PRM2: variants seen among roughly 807,000 people sequenced by gnomAD.
The protein encoded by PRM2 is protamine-2.
A neutral mutation model predicts 10.7 loss-of-function variants in PRM2; 6 were observed. The ratio of observed to expected loss-of-function variants is 0.56; its 90% confidence interval spans 0.31 to 1.11. PRM2 has a LOEUF of 1.11. Ranked by LOEUF, PRM2 falls within the 50% of genes least tolerant of loss-of-function variation. The pLI, the probability that PRM2 is intolerant of heterozygous loss-of-function variation, is 0.06. For missense variants in PRM2, 194 were observed against 147.7 expected (o/e 1.31, Z -1.62); for synonymous variants, 64 against 54.8 (o/e 1.17, Z -0.74).
In PRM2 at chr16:11,276,341, G is replaced by A. The variant is rs370727869; in HGVS notation, c.30C>T (p.Ser10=). The part of the protein sequence containing the change: MVRYRVRSL[S]ERSHEVYRQQ... ...GCCTGTACACCTCGTGCGAGCGTTC[G>A]CTCAGGCTCCTCACGCGGTATCGGA... is the stretch of plus-strand genomic sequence containing the variant. Residue 10 remains serine, a synonymous_variant, in exon 1 of 2, where the codon AGC becomes AGT. Transcript: ENST00000241808. 1.5e-5 allele frequency: 24 copies of A among 1,614,220 alleles called. No homozygotes were observed. The highest frequency in any genetic ancestry group is 6.7e-5 in the East Asian group (3 of 44,890).
Position 11,275,648 on chromosome 16 carries a change from A to G in PRM2, c.*252T>C. 8.3e-6 allele frequency: 7 copies of G among 846,672 alleles called. No homozygotes were observed. The highest frequency in any genetic ancestry group is 1.1e-5 in the Non-Finnish European group (6 of 552,912). 52.4% of individuals were successfully genotyped at this position (846,672 alleles called of 1,614,324 possible). The stretch of plus-strand genomic sequence containing the variant: ...CCGACAGGCCAGCGAGTGTCTTGTC[A>G]AGCTTTATTGGGCAGGTGACTTTTG... On this transcript the variant is annotated 3_prime_UTR_variant, in exon 2 of 2. Transcript: ENST00000241808.
chr16:11,276,013 C>T (rs771682610), intron 1 of PRM2, 76 bp from the exon 2 acceptor site: 5 of 1,610,062 alleles, frequency 3.1e-6, no homozygotes, highest in Middle Eastern at 3.3e-4. Context: ...GGGGCTGGAG[C>T]TTTTGTCAGG....
rs756477196 is a variant in PRM2, at chr16:11,276,157, G to T, written c.214C>A (p.Arg72Ser). ...RLHRIHRRQH[R>S]SCRRRKRRSC... ...CGTCTTTTGCGCCTTCTGCAGGAGCGATGCTGCCGCCTGTGGATCCGGTGC... is the reference window on the plus strand; with the variant it reads ...CGTCTTTTGCGCCTTCTGCAGGAGCTATGCTGCCGCCTGTGGATCCGGTGC... The change falls in exon 1 of 2, where the codon CGC becomes AGC. Residue 72 changes from arginine (R) to serine (S), a missense_variant. Physicochemically the swap from Arg to Ser is moderately radical, Grantham distance 110. Transcript: ENST00000241808. 1.9e-6 allele frequency: 3 copies of T among 1,613,812 alleles called. No individual in the cohort carries two copies. The highest frequency in any genetic ancestry group is 1.7e-6 in the Non-Finnish European group (2 of 1,180,034).
In PRM2 at chr16:11,276,332, C is replaced by T. The variant is rs201104307; in HGVS notation, c.39G>A (p.Ser13=). ...GCAACTGCTGCCTGTACACCTCGTG[C>T]GAGCGTTCGCTCAGGCTCCTCACGC... ...RYRVRSLSER[S]HEVYRQQLHG... is the part of the protein sequence containing the mutation. Residue 13 remains serine, a synonymous_variant, in exon 1 of 2, where the codon TCG becomes TCA. Coordinates refer to ENST00000241808, the MANE Select transcript of PRM2 (RefSeq NM_002762.4). 1.7e-4 allele frequency: 275 copies of T among 1,614,238 alleles called. No individual in the cohort carries two copies. The highest frequency in any genetic ancestry group is 2.1e-4 in the Non-Finnish European group (251 of 1,180,034).
rs2069872378 is a variant in PRM2 at position 11,276,316 on chromosome 16, G to A, written c.55C>T (p.Gln19Ter). ...CCTTGCTCTTGCCCATGCAACTGCT[G>A]CCTGTACACCTCGTGCGAGCGTTCG... ...LSERSHEVYR[Q>*]QLHGQEQGHH... is the part of the protein sequence containing the mutation. Residue 19 changes from glutamine (Q) to a stop codon, truncating the protein, a stop_gained, in exon 1 of 2, where the codon CAG becomes TAG. Coordinates refer to ENST00000241808, the MANE Select transcript of PRM2 (RefSeq NM_002762.4). LOFTEE classifies it high-confidence loss of function. The A allele has an allele frequency of 6.2e-7, 1 of 1,614,146 alleles. No individual in the cohort carries two copies. The highest frequency in any genetic ancestry group is 1.3e-5 in the African/African-American group (1 of 74,946).
Position 11,275,663 on chromosome 16 carries a change from G to C in PRM2, c.*237C>G. 3 of 938,818 alleles carry C rather than the reference G, an allele frequency of 3.2e-6. No individual in the cohort carries two copies. Among genetic ancestry groups the C allele is most frequent in the Non-Finnish European group, 3.2e-6 (2 of 630,322 alleles). The allele number at this position is 938,818 out of a possible 1,614,324, so 58.2% of individuals were successfully genotyped here. A position where few individuals can be genotyped will look rare whatever the true frequency, so the allele number is the denominator to read the frequency against. ...GTGTCTTGTCAAGCTTTATTGGGCA[G>C]GTGACTTTTGCTCGTTTCACTCAGA... On this transcript the variant is annotated 3_prime_UTR_variant, in exon 2 of 2. Coordinates refer to ENST00000241808, the MANE Select transcript of PRM2 (RefSeq NM_002762.4).
Position 11,275,842 on chromosome 16 carries a change from T to G in PRM2, c.*58A>C. The G allele has an allele frequency of 6.2e-7, 1 of 1,612,818 alleles. No homozygotes were observed. Among genetic ancestry groups the G allele is most frequent in the Non-Finnish European group, 8.5e-7 (1 of 1,179,766 alleles). On this transcript the variant is annotated 3_prime_UTR_variant, in exon 2 of 2. Transcript: ENST00000241808. ...TGTAGGGGAATTGCTATGGCCTCACTTGGTGTTTCGGGCGACTTTTTCTTA... is the reference window on the plus strand; with the variant it reads ...TGTAGGGGAATTGCTATGGCCTCACGTGGTGTTTCGGGCGACTTTTTCTTA...
rs780941362 is a variant in PRM2 at position 11,276,444 on chromosome 16, T to G, written c.-74A>C. 10 of 1,581,006 alleles carry G rather than the reference T, an allele frequency of 6.3e-6. No homozygotes were observed. Among genetic ancestry groups the G allele is most frequent in the Non-Finnish European group, 7.8e-6 (9 of 1,159,374 alleles). ...GGAGTAGGGGAGGAGGGCGGAGGCC[T>G]GCCCACCTGCCCTTGGTGTTACTGT... On this transcript the variant is annotated 5_prime_UTR_variant, in exon 1 of 2. Coordinates refer to ENST00000241808, the MANE Select transcript of PRM2 (RefSeq NM_002762.4).
At position 11,275,770 on chromosome 16, in the gene PRM2, G is replaced by A; in HGVS notation, c.*130C>T. 1.9e-6 allele frequency: 3 copies of A among 1,561,068 alleles called. No homozygotes were observed. In the South Asian group the frequency reaches 3.5e-5, roughly 18 times the overall value. ...CTATGGCCTCACTCGGTGTTTCTTGGGCAGGTGACTTTCTCTTAACTTCCA... is the reference window on the plus strand; with the variant it reads ...CTATGGCCTCACTCGGTGTTTCTTGAGCAGGTGACTTTCTCTTAACTTCCA... On this transcript the variant is annotated 3_prime_UTR_variant, in exon 2 of 2. Transcript: ENST00000241808.
At position 11,276,236 on chromosome 16, in the gene PRM2, C is replaced by T. The variant is rs373716428; in HGVS notation, c.135G>A (p.Glu45=). 125 of 1,614,260 alleles carry T rather than the reference C, an allele frequency of 7.7e-5. No homozygotes were observed. The African/African-American group carries it at 1.4e-3, about 18-fold the overall frequency. The change falls in exon 1 of 2, where the codon GAG becomes GAA. Residue 45 remains glutamate, a synonymous_variant. Transcript: ENST00000241808. ...GLSPEHVEVY[E]RTHGQSHYRR... Reference sequence around the variant, plus strand: ...TATAGTGAGACTGGCCATGGGTCCTCTCGTAGACCTCGACGTGCTCCGGGC... The same window carrying T: ...TATAGTGAGACTGGCCATGGGTCCTTTCGTAGACCTCGACGTGCTCCGGGC...
Position 11,276,384 on chromosome 16 carries a change from C to A in PRM2, c.-14G>T, listed in dbSNP as rs916611158. On this transcript the variant is annotated 5_prime_UTR_variant, in exon 1 of 2. Coordinates refer to ENST00000241808, the MANE Select transcript of PRM2 (RefSeq NM_002762.4). The stretch of plus-strand genomic sequence containing the variant: ...GTATCGGACCATGGTGTTGGGAGAT[C>A]TGGTGGCTCCTGGGCTGAGGCTGCA... 1.9e-6 allele frequency: 3 copies of A among 1,613,932 alleles called. No homozygotes were observed. Among genetic ancestry groups the A allele is most frequent in the Non-Finnish European group, 2.5e-6 (3 of 1,179,912 alleles).
chr16:11,276,434 G>T lies in PRM2; in HGVS notation c.-64C>A. ...AGTGGGCCCTGGAGTAGGGGAGGAG[G>T]GCGGAGGCCTGCCCACCTGCCCTTG... is the stretch of plus-strand genomic sequence containing the variant. On this transcript the variant is annotated 5_prime_UTR_variant, in exon 1 of 2. Coordinates refer to ENST00000241808, the MANE Select transcript of PRM2 (RefSeq NM_002762.4). 1 of 1,602,560 alleles carries T rather than the reference G, an allele frequency of 6.2e-7. No homozygotes were observed.
At position 11,276,186 on chromosome 16, in the gene PRM2, C is replaced by G. The variant is rs1254165618; in HGVS notation, c.185G>C (p.Arg62Thr). The change falls in exon 1 of 2, where the codon AGG (arginine) becomes ACG (threonine). Residue 62 changes from arginine to threonine, a missense_variant. Physicochemically the swap from Arg to Thr is moderately conservative, Grantham distance 71. Coordinates refer to ENST00000241808, the MANE Select transcript of PRM2 (RefSeq NM_002762.4). ...HYRRRHCSRR[R>T]LHRIHRRQHR... Reference sequence around the variant, plus strand: ...CTGCCGCCTGTGGATCCGGTGCAGCCTCCTTCGAGAGCAGTGTCTGCGCCT... The same window carrying G: ...CTGCCGCCTGTGGATCCGGTGCAGCGTCCTTCGAGAGCAGTGTCTGCGCCT... The G allele has an allele frequency of 1.9e-6, 3 of 1,614,024 alleles. No homozygotes were observed. In the East Asian group the frequency reaches 6.7e-5, roughly 36 times the overall value.
chr16:11,276,374 G>A lies in PRM2; in HGVS notation c.-4C>T, dbSNP rs551811300. 4 of 1,614,172 alleles carry A rather than the reference G, an allele frequency of 2.5e-6. No homozygotes were observed. Among genetic ancestry groups the A allele is most frequent in the Non-Finnish European group, 2.5e-6 (3 of 1,179,998 alleles). ...TCCTCACGCGGTATCGGACCATGGT[G>A]TTGGGAGATCTGGTGGCTCCTGGGC... On this transcript the variant is annotated 5_prime_UTR_variant, in exon 1 of 2. Coordinates refer to ENST00000241808, the MANE Select transcript of PRM2 (RefSeq NM_002762.4).
rs1279518178 is a variant in PRM2, at chr16:11,276,401, G to C, written c.-31C>G. 6.2e-7 allele frequency: 1 copy of C among 1,613,276 alleles called. No individual in the cohort carries two copies. Among genetic ancestry groups the C allele is most frequent in the African/African-American group, 1.3e-5 (1 of 74,944 alleles). On this transcript the variant is annotated 5_prime_UTR_variant, in exon 1 of 2. Transcript: ENST00000241808. The stretch of plus-strand genomic sequence containing the variant: ...TGGGAGATCTGGTGGCTCCTGGGCT[G>C]AGGCTGCAGTGGGCCCTGGAGTAGG...
chr16:11,275,972 C>T (rs1567464287), intron 1 of PRM2, 35 bp from the exon 2 acceptor site: 1 of 1,613,824 alleles, frequency 6.2e-7, no homozygotes, highest in Non-Finnish European at 8.5e-7. Flanking sequence ...GAGGGGGTCA[C>T]CTAGGGACTC....
Position 11,276,156 on chromosome 16 carries a change from C to A in PRM2, c.215G>T (p.Arg72Leu), listed in dbSNP as rs903612207. The change falls in exon 1 of 2, where the codon CGC (arginine) becomes CTC (leucine). Residue 72 changes from arginine (R) to leucine (L), a missense_variant. Coordinates refer to ENST00000241808, the MANE Select transcript of PRM2 (RefSeq NM_002762.4). The part of the protein sequence containing the change: ...RLHRIHRRQH[R>L]SCRRRKRRSC... ...GCGTCTTTTGCGCCTTCTGCAGGAG[C>A]GATGCTGCCGCCTGTGGATCCGGTG... is the stretch of plus-strand genomic sequence containing the variant. 1.2e-5 allele frequency: 19 copies of A among 1,613,640 alleles called. No homozygotes were observed. Among genetic ancestry groups the A allele is most frequent in the Non-Finnish European group, 1.5e-5 (18 of 1,180,042 alleles).
Position 11,275,879 on chromosome 16 carries a change from G to T in PRM2, c.*21C>A. 1 of 1,614,028 alleles carries T rather than the reference G, an allele frequency of 6.2e-7. No individual in the cohort carries two copies. Among genetic ancestry groups the T allele is most frequent in the Non-Finnish European group, 8.5e-7 (1 of 1,180,014 alleles). ...GCGACTTTTTCTTAATTTCCAGCTG[G>T]GGGTGAGGGGCCCAGGAAGCTTAGT... On this transcript the variant is annotated 3_prime_UTR_variant, in exon 2 of 2. Transcript: ENST00000241808.
chr16:11,276,072 GC>G, intron 1 of PRM2, 27 bp downstream of exon 1: 1 of 1,610,890 alleles, frequency 6.2e-7, no homozygotes, highest in Non-Finnish European at 8.5e-7. Context: ...TCAGGGACAT[GC>G]AGGGCAAGGC....
Sources: gnomAD v4.1 joint callset for allele counts on GRCh38, gnomAD v4.1.1 for gene constraint, MANE v1.5 for transcripts, NCBI Gene and HGNC (gene_info 2026-07-23, HGNC 2026-07-21) for gene names.